The following TIAM1 variants were observed in gnomAD, a reference collection of about 807,000 sequenced individuals.
The protein encoded by TIAM1 is rho guanine nucleotide exchange factor TIAM1.
A neutral mutation model predicts 163.5 loss-of-function variants in TIAM1; 65 were observed. The ratio of observed to expected loss-of-function variants is 0.40; its 90% confidence interval spans 0.33 to 0.49. TIAM1 has a LOEUF of 0.49. Among genes scored for constraint, TIAM1 ranks in the 20% least tolerant of loss-of-function variants. TIAM1 has a pLI of 0.77. For missense variants in TIAM1, 1,789 were observed against 2,044.7 expected (o/e 0.87, Z 2.41); for synonymous variants, 833 against 810.1 (o/e 1.03, Z -0.48).
chr21:31,222,203 C>T (rs1193107568), intron 8 of TIAM1, among the ~76,000 whole-genome samples: 2 of 152,088 alleles, frequency 1.3e-5, no homozygotes, highest in Non-Finnish European at 2.9e-5. Context: ...GTACAGCTGA[C>T]AAAGCAAGAG....
chr21:31,203,049 T>C, intron 11 of TIAM1, 37 bp from the exon 12 acceptor site: 5 of 1,531,960 alleles, frequency 3.3e-6, no homozygotes, highest in South Asian at 2.2e-5. Flanking sequence ...AAAATGTCTG[T>C]TCAATAGTAA....
At chr21:31,553,928 C>T (rs985004410) in intron 1 of TIAM1, among the ~76,000 whole-genome samples, 1 of 152,140 alleles carries the variant, frequency 6.6e-6, no homozygotes, top group Admixed American at 6.5e-5. Context: ...CTCCCCCTGC[C>T]CCCAGATGAC....
chr21:31,297,241 G>A (rs1317493258), intron 2 of TIAM1, among the ~76,000 whole-genome samples: 2 of 152,244 alleles, frequency 1.3e-5, no homozygotes, highest in Non-Finnish European at 2.9e-5. Flanking sequence ...AATACTGTAT[G>A]ATTCCACTAA....
Position 31,178,303 on chromosome 21 carries a change from CTTTTTTTT to C in TIAM1, c.2887+4110_2887+4117del, listed in dbSNP as rs10671534. Among the ~76,000 whole-genome samples, 4 of 96,158 alleles carry C rather than the reference CTTTTTTTT, an allele frequency of 4.2e-5. No homozygotes were observed. The Admixed American group carries it at 4.5e-4, about 11-fold the overall frequency. The allele number at this position is 96,158 out of a possible 152,430, so 63.1% of individuals were successfully genotyped here. Reference sequence around the variant, plus strand: ...CTACTTGACCAAGTATTCAGGAATTCTTTTTTTTTTTTTTTTTTTTTTTGAGACGGAGT... The same window carrying C: ...CTACTTGACCAAGTATTCAGGAATTCTTTTTTTTTTTTTTTGAGACGGAGT... On this transcript the variant is annotated intron_variant, in intron 15 of 27. Coordinates refer to ENST00000541036, the MANE Select transcript of TIAM1 (RefSeq NM_001353694.2).
chr21:31,400,441 T>G (rs1250492555), intron 2 of TIAM1, among the ~76,000 whole-genome samples: 1 of 152,138 alleles, frequency 6.6e-6, no homozygotes, highest in African/African-American at 2.4e-5. Context: ...GACACCACAC[T>G]TTCTGATTTA....
rs753741491 is a variant in TIAM1 at position 31,251,987 on chromosome 21, C to A, written c.1166G>T (p.Arg389Leu). The stretch of plus-strand genomic sequence containing the variant: ...GTTGGTGGTGCTCATCTCCAGCTCC[C>A]GCCGGAAGTTCTCGTACACCCCCTG... The part of the protein sequence containing the change: ...ARQGVYENFR[R>L]ELEMSTTNSE... The change falls in exon 5 of 28, where the codon CGG becomes CTG. Residue 389 changes from arginine (R) to leucine (L), a missense_variant. Physicochemically the swap from Arg to Leu is moderately radical, Grantham distance 102. This residue lies in a region of TIAM1 where 555 missense variants were observed against 564.9 expected (regional missense o/e 0.98). Coordinates refer to ENST00000541036, the MANE Select transcript of TIAM1 (RefSeq NM_001353694.2). 15 of 1,613,854 alleles carry A rather than the reference C, an allele frequency of 9.3e-6. No homozygotes were observed. The highest frequency in any genetic ancestry group is 1.3e-5 in the African/African-American group (1 of 74,932).
upstream of TIAM1, among the ~76,000 whole-genome samples, chr21:31,347,216 C>T (rs2076162875): frequency 6.6e-6 from 1 of 152,164 alleles, no homozygotes; most frequent in Non-Finnish European, 1.5e-5. Flanking sequence ...ACCCTGCTGG[C>T]TCCATACAGT....
intron 2 of TIAM1, among the ~76,000 whole-genome samples, chr21:31,337,518 G>GTTGTTATTATTATTATTATTA (rs139117633): frequency 1.4e-4 from 21 of 147,258 alleles, no homozygotes; most frequent in African/African-American, 2.8e-4. Flanking sequence ...TATTATTGTT[G>GTTGTTATTATTATTATTATTA]TTATTATTAT....
intron 2 of TIAM1, among the ~76,000 whole-genome samples, chr21:31,401,628 C>T (rs1156256384): frequency 6.6e-6 from 1 of 152,090 alleles, no homozygotes; most frequent in Non-Finnish European, 1.5e-5. Flanking sequence ...AACAGACTCT[C>T]ACTTAAAAAT....
intron 2 of TIAM1, among the ~76,000 whole-genome samples, chr21:31,288,295 T>G (rs2073890419): frequency 6.6e-6 from 1 of 152,190 alleles, no homozygotes; most frequent in Non-Finnish European, 1.5e-5. Flanking sequence ...ATGTTTGGGC[T>G]GCTATAACAA....
chr21:31,350,613 A>G (rs1003303504), intron 2 of TIAM1, among the ~76,000 whole-genome samples: 1 of 152,008 alleles, frequency 6.6e-6, no homozygotes, highest in African/African-American at 2.4e-5. Flanking sequence ...ATCTCCCCGC[A>G]TCTCTCTTTT....
chr21:31,544,810 G>A (rs996288386), intron 1 of TIAM1, among the ~76,000 whole-genome samples: 1 of 151,926 alleles, frequency 6.6e-6, no homozygotes, highest in Non-Finnish European at 1.5e-5. Context: ...TCAGGAGATC[G>A]AGACCATCCT....
chr21:31,458,291 G>A (rs1187683150), intron 2 of TIAM1, among the ~76,000 whole-genome samples: 1 of 151,932 alleles, frequency 6.6e-6, no homozygotes, highest in Non-Finnish European at 1.5e-5. Context: ...TAGGGGGCGG[G>A]CGCCTGTAAT....
chr21:31,198,809 CTG>C (rs2086022156), intron 12 of TIAM1, among the ~76,000 whole-genome samples: 1 of 152,204 alleles, frequency 6.6e-6, no homozygotes, highest in Non-Finnish European at 1.5e-5. Context: ...GTGAATATCA[CTG>C]TGTCTTTTGC....
At chr21:31,551,797 G>A (rs1359784452) in intron 1 of TIAM1, among the ~76,000 whole-genome samples, 1 of 149,490 alleles carries the variant, frequency 6.7e-6, no homozygotes, top group African/African-American at 2.5e-5. Flanking sequence ...GAAGGAAGTA[G>A]GTGAGATGCA....
chr21:31,256,630 T>C (rs1762854), intron 4 of TIAM1, among the ~76,000 whole-genome samples: 2 of 149,052 alleles, frequency 1.3e-5, no homozygotes, highest in South Asian at 2.2e-4. Flanking sequence ...CACACACACG[T>C]ATATTATCTT....
intron 1 of TIAM1, among the ~76,000 whole-genome samples, chr21:31,489,533 A>AGGGGGGG (rs2046394010): frequency 4.5e-5 from 1 of 22,002 alleles, no homozygotes; most frequent in Non-Finnish European, 8.7e-5. Flanking sequence ...GGAGGGAGGG[A>AGGGGGGG]GGGAGGGAGG....
chr21:31,128,255 G>A (rs969123438), intron 25 of TIAM1, among the ~76,000 whole-genome samples: 1 of 152,118 alleles, frequency 6.6e-6, no homozygotes, highest in African/African-American at 2.4e-5. Context: ...GAAATTCCAC[G>A]TTGTGATTCT....
intron 2 of TIAM1, among the ~76,000 whole-genome samples, chr21:31,315,321 T>G (rs1037780786): frequency 6.6e-6 from 1 of 151,968 alleles, no homozygotes; most frequent in Non-Finnish European, 1.5e-5. Context: ...GAGACCATCC[T>G]GGCTAACACG....
Sources: allele counts gnomAD v4.1 joint callset (sites outside exome capture counted in the v4.1 genomes callset), GRCh38; gene constraint gnomAD v4.1.1; regional missense constraint gnomAD v4.1.1; transcripts MANE v1.5; gene names NCBI Gene and HGNC (gene_info 2026-07-23, HGNC 2026-07-21).